SHE: variants seen among roughly 807,000 people sequenced by gnomAD.
SHE encodes Src homology 2 domain containing E, also known as SH2 domain-containing adapter protein E.
Under a neutral mutation model 49.8 loss-of-function variants are expected in SHE, and 11 were observed. The observed-to-expected ratio is 0.22, with a 90% CI of 0.14 to 0.37. The LOEUF is 0.37. Ranked by LOEUF, SHE falls within the 10% of genes least tolerant of loss-of-function variation. The pLI is 1.00. For synonymous variants in SHE, 310 were observed against 278.1 expected, an observed-to-expected ratio of 1.11 and a Z score of -1.14; for missense variants, 624 against 655.5, an observed-to-expected ratio of 0.95 and a Z score of 0.52.
At chr1:154,471,460 A>T (rs1265343256) in intron 1 of SHE, among the ~76,000 whole-genome samples, 5 of 152,202 alleles carry the variant, frequency 3.3e-5, no homozygotes, top group Non-Finnish European at 7.3e-5. Context: ...CTGTAGTCCC[A>T]GCTACTCAAG....
chr1:154,469,946 C>G (rs924955828), exon 2 of SHE: 1 of 176,424 alleles, frequency 5.7e-6, no homozygotes, highest in East Asian at 1.6e-4. Context: ...GAAAAGCCAT[C>G]ATGCGGACTC....
chr1:154,490,122 G>A (rs1353915317), intron 2 of SHE, among the ~76,000 whole-genome samples: 1 of 152,226 alleles, frequency 6.6e-6, no homozygotes, highest in Non-Finnish European at 1.5e-5. Flanking sequence ...GCATTTATGT[G>A]CATTAGTCAG....
At position 154,501,769 on chromosome 1, in the gene SHE, C is replaced by G. The variant is rs781280761; in HGVS notation, c.258G>C (p.Ala86=). 1.9e-6 allele frequency: 3 copies of G among 1,566,000 alleles called. No homozygotes were observed. In the African/African-American group the frequency reaches 4.1e-5, roughly 21 times the overall value. ...CGGCCCTGCCGCTCCCCAGCTCGGCCGCCGAGTTCTTGCGGCCCTTGCCAG... is the reference window on the plus strand; with the variant it reads ...CGGCCCTGCCGCTCCCCAGCTCGGCGGCCGAGTTCTTGCGGCCCTTGCCAG... ...PGPGKGRKNS[A]AELGSGRAGV... Residue 86 remains alanine, a synonymous_variant, in exon 1 of 6, where the codon GCG becomes GCC. Transcript: ENST00000304760.
At position 154,483,957 on chromosome 1, in the gene SHE, C is replaced by T. The variant is rs1392544446; in HGVS notation, c.*192G>A. The T allele has an allele frequency of 7.2e-7, 1 of 1,384,262 alleles. No individual in the cohort carries two copies. The highest frequency in any genetic ancestry group is 9.4e-7 in the Non-Finnish European group (1 of 1,068,492). 85.7% of individuals were successfully genotyped at this position (1,384,262 alleles called of 1,614,324 possible). ...ATGTTGCAGTGAGCCAAGATTGCGC[C>T]ATTGCACTCCAGCCTGGGCAACACA... is the stretch of plus-strand genomic sequence containing the variant. On this transcript the variant is annotated 3_prime_UTR_variant, in exon 6 of 6. Coordinates refer to ENST00000304760, the MANE Select transcript of SHE (RefSeq NM_001010846.3).
At position 154,481,625 on chromosome 1, in the gene SHE, G is replaced by T. The variant is rs1342475687; in HGVS notation, c.*2524C>A. The stretch of plus-strand genomic sequence containing the variant: ...AGCATTTATTAAAATTAGAATAACT[G>T]CTGTATTCCCTTTGTAGAATAAGGT... On this transcript the variant is annotated 3_prime_UTR_variant, in exon 6 of 6. Coordinates refer to ENST00000304760, the MANE Select transcript of SHE (RefSeq NM_001010846.3). 2.0e-6 allele frequency: 2 copies of T among 984,088 alleles called. No individual in the cohort carries two copies. The highest frequency in any genetic ancestry group is 3.5e-5 in the African/African-American group (2 of 57,174). The allele number at this position is 984,088 out of a possible 1,614,324, so 61.0% of individuals were successfully genotyped here.
chr1:154,475,200 T>C (rs143428517), downstream of SHE, among the ~76,000 whole-genome samples: 79 of 152,324 alleles, frequency 5.2e-4, 2 homozygotes, highest in East Asian at 0.013. Context: ...TCTTTTTTCT[T>C]TTTTTGACAG....
chr1:154,498,251 C>A (rs977993161), intron 2 of SHE, among the ~76,000 whole-genome samples: 2 of 151,534 alleles, frequency 1.3e-5, no homozygotes, highest in East Asian at 3.9e-4. Flanking sequence ...CGCCACCATG[C>A]CTGGCTAATT....
chr1:154,484,401 T>C (rs748612015), intron 5 of SHE, 66 bp from the exon 6 acceptor site: 100 of 1,405,242 alleles, frequency 7.1e-5, no homozygotes, highest in Admixed American at 1.9e-4. Flanking sequence ...CTGAAAACAA[T>C]TGCAGCCAGA....
At chr1:154,492,479 AAG>A (rs559569807) in intron 2 of SHE, among the ~76,000 whole-genome samples, 19 of 152,296 alleles carry the variant, frequency 1.2e-4, no homozygotes, top group Admixed American at 1.2e-3. Context: ...ATCAGAATGT[AAG>A]AGTCGGAAGA....
intron 3 of SHE, among the ~76,000 whole-genome samples, chr1:154,488,018 C>T (rs916113685): frequency 1.1e-4 from 16 of 151,030 alleles, no homozygotes; most frequent in African/African-American, 3.7e-4. Context: ...TGGCTCACTG[C>T]AACCTCCGCC....
In SHE at chr1:154,501,418, G is replaced by T. The variant is rs781728898; in HGVS notation, c.591+18C>A. On this transcript the variant is annotated intron_variant, in intron 1 of 5. Coordinates refer to ENST00000304760, the MANE Select transcript of SHE (RefSeq NM_001010846.3). ...CCCCTTCGACTGAGAGGTGGTCCAA[G>T]GGAGGCTGTATTCTTACCGTCTCTT... 5.6e-6 allele frequency: 9 copies of T among 1,611,132 alleles called. No homozygotes were observed. Among genetic ancestry groups the T allele is most frequent in the Non-Finnish European group, 6.8e-6 (8 of 1,177,984 alleles).
rs762435713 is a variant in SHE at position 154,501,743 on chromosome 1, C to G, written c.284G>C (p.Gly95Ala). Residue 95 changes from glycine (G) to alanine (A), a missense_variant, in exon 1 of 6, where the codon GGC becomes GCC. This residue lies in a region of SHE where 337 missense variants were observed against 306.0 expected (regional missense o/e 1.10). Coordinates refer to ENST00000304760, the MANE Select transcript of SHE (RefSeq NM_001010846.3). The part of the protein sequence containing the change: ...SAAELGSGRA[G>A]VGPKDSRLSR... ...CAGCCGGCTGTCCTTGGGGCCGACG[C>G]CGGCCCTGCCGCTCCCCAGCTCGGC... The G allele has an allele frequency of 1.3e-6, 2 of 1,568,372 alleles. No homozygotes were observed. The highest frequency in any genetic ancestry group is 2.7e-5 in the African/African-American group (2 of 73,646).
chr1:154,494,110 A>G (rs1043097686), intron 2 of SHE, among the ~76,000 whole-genome samples: 1 of 151,966 alleles, frequency 6.6e-6, no homozygotes, highest in South Asian at 2.1e-4. Flanking sequence ...GCCTCTTAAG[A>G]CTCTATTTTC....
At chr1:154,486,104 CA>C (rs1692168220) in intron 4 of SHE, 42 bp from the exon 5 acceptor site, 2 of 1,596,588 alleles carry the variant, frequency 1.3e-6, no homozygotes, top group Non-Finnish European at 1.7e-6. Context: ...CCATGAGTGT[CA>C]AAATACAAAT....
chr1:154,501,640 C>A lies in SHE; in HGVS notation c.387G>T (p.Glu129Asp), dbSNP rs764705939. The A allele has an allele frequency of 1.9e-6, 3 of 1,613,676 alleles. No individual in the cohort carries two copies. Among genetic ancestry groups the A allele is most frequent in the South Asian group, 1.1e-5 (1 of 91,086 alleles). Reference protein sequence around the residue: ...GRKNSRATEEEPHRGATKSSG... With the variant: ...GRKNSRATEEDPHRGATKSSG... ...AGCTCTTGGTTGCACCCCGGTGGGGCTCCTCCTCCGTGGCCCGGGAGTTTT... is the reference window on the plus strand; with the variant it reads ...AGCTCTTGGTTGCACCCCGGTGGGGATCCTCCTCCGTGGCCCGGGAGTTTT... Residue 129 changes from glutamate to aspartate, a missense_variant, in exon 1 of 6, where the codon GAG (glutamate) becomes GAT (aspartate). Transcript: ENST00000304760.
chr1:154,501,797 C>G lies in SHE; in HGVS notation c.230G>C (p.Gly77Ala), dbSNP rs1325244212. The part of the protein sequence containing the change: ...KNSEAGGAGP[G>A]PGKGRKNSAA... ...CGAGTTCTTGCGGCCCTTGCCAGGA[C>G]CCGGCCCAGCGCCGCCCGCCTCCGA... Residue 77 changes from glycine to alanine, a missense_variant, in exon 1 of 6, where the codon GGT becomes GCT. This residue lies in a region of SHE where 337 missense variants were observed against 306.0 expected (regional missense o/e 1.10). Transcript: ENST00000304760. The G allele has an allele frequency of 6.4e-7, 1 of 1,555,998 alleles. No individual in the cohort carries two copies. The highest frequency in any genetic ancestry group is 1.4e-5 in the African/African-American group (1 of 73,332).
chr1:154,489,067 G>A lies in SHE; in HGVS notation c.1008C>T (p.Ile336=), dbSNP rs763342974. The part of the protein sequence containing the change: ...EQPWEWKKEQ[I]VRALSVQFEG... ...CGCCCTCACCTGACAGAGCCCGCAC[G>A]ATCTGCTCCTTCTTCCACTCCCATG... The change falls in exon 3 of 6, where the codon ATC becomes ATT. Residue 336 remains isoleucine, a synonymous_variant. Coordinates refer to ENST00000304760, the MANE Select transcript of SHE (RefSeq NM_001010846.3). 9.4e-6 allele frequency: 15 copies of A among 1,588,240 alleles called. No homozygotes were observed. Among genetic ancestry groups the A allele is most frequent in the Non-Finnish European group, 1.0e-5 (12 of 1,164,794 alleles).
rs1302875085 is a variant in SHE, at chr1:154,502,103, C to T, written c.-77G>A. ...CCGTGCGCCCCCGGCCGGCCGTCGCCCACGCCCGGCAGGGTGGGGTTCTCA... is the reference window on the plus strand; with the variant it reads ...CCGTGCGCCCCCGGCCGGCCGTCGCTCACGCCCGGCAGGGTGGGGTTCTCA... On this transcript the variant is annotated 5_prime_UTR_variant, in exon 1 of 6. Transcript: ENST00000304760. The T allele has an allele frequency of 2.4e-5, 27 of 1,144,518 alleles. 1 individual carries two copies. The Admixed American group carries it at 1.1e-3, about 49-fold the overall frequency. 70.9% of individuals were successfully genotyped at this position (1,144,518 alleles called of 1,614,324 possible). A position where few individuals can be genotyped will look rare whatever the true frequency, so the allele number is the denominator to read the frequency against.
chr1:154,492,389 T>C (rs145205480), intron 2 of SHE, among the ~76,000 whole-genome samples: 270 of 152,320 alleles, frequency 1.8e-3, no homozygotes, highest in African/African-American at 6.3e-3. Context: ...AGTCCCCATC[T>C]TGGTTCCTCA....
Sources: gnomAD v4.1 joint callset for allele counts (sites outside exome capture counted in the v4.1 genomes callset) on GRCh38, gnomAD v4.1.1 for gene constraint, gnomAD v4.1.1 regional missense constraint, MANE v1.5 for transcripts, NCBI Gene and HGNC (gene_info 2026-07-23, HGNC 2026-07-21) for gene names.